Variants in ZNF83 observed in about 807,000 individuals in gnomAD.
The protein encoded by ZNF83 is zinc finger protein 83.
For missense variants in ZNF83, 552 were observed against 629.9 expected (o/e 0.88, Z 1.32); for synonymous variants, 209 against 213.0 (o/e 0.98, Z 0.17).
chr19:52,679,567 C>T (rs1484197222), intron 1 of ZNF83, among the ~76,000 whole-genome samples: 1 of 152,160 alleles, frequency 6.6e-6, no homozygotes, highest in African/African-American at 2.4e-5. Context: ...GCACAGATTG[C>T]ACCACTGCAC....
chr19:52,630,049 A>C (rs374999230), intron 2 of ZNF83, among the ~76,000 whole-genome samples: 2,521 of 152,162 alleles, frequency 0.017, 43 homozygotes, highest in Middle Eastern at 0.054. Context: ...GCTTGCTACA[A>C]GTGCCAGAAA....
At chr19:52,676,047 C>T (rs1310029934) in intron 1 of ZNF83, among the ~76,000 whole-genome samples, 17 of 152,142 alleles carry the variant, frequency 1.1e-4, no homozygotes, top group Non-Finnish European at 4.4e-5. Context: ...CTCTCGCTCT[C>T]CCTCTCCCTC....
intron 2 of ZNF83, among the ~76,000 whole-genome samples, chr19:52,658,578 A>C (rs367786432): frequency 4.6e-5 from 7 of 152,210 alleles, no homozygotes; most frequent in East Asian, 1.9e-4. Flanking sequence ...TAGGGGCAGA[A>C]ATATTAAAGA....
intron 2 of ZNF83, among the ~76,000 whole-genome samples, chr19:52,629,516 C>A (rs1251223847): frequency 2.0e-5 from 3 of 152,154 alleles, no homozygotes; most frequent in African/African-American, 4.8e-5. Flanking sequence ...ACCCTGTAAT[C>A]TTTTTATCAC....
At chr19:52,666,879 T>A (rs1480463437) in intron 1 of ZNF83, among the ~76,000 whole-genome samples, 1 of 152,160 alleles carries the variant, frequency 6.6e-6, no homozygotes. Flanking sequence ...TAATGGGTAT[T>A]CAATAAGTGA....
intron 1 of ZNF83, among the ~76,000 whole-genome samples, chr19:52,678,735 A>T (rs904165026): frequency 2.0e-5 from 3 of 152,074 alleles, no homozygotes; most frequent in Admixed American, 2.0e-4. Context: ...GTACTTTGGG[A>T]GACCAAGGTG....
In ZNF83 at chr19:52,664,262, G is replaced by A. The variant is rs192288684; in HGVS notation, c.-282-3419C>T. Among the ~76,000 whole-genome samples the A allele has an allele frequency of 7.3e-5, 11 of 151,502 alleles. No individual in the cohort carries two copies. The South Asian group carries it at 8.4e-4, about 12-fold the overall frequency. ...TGTAATCCCAAGACTTTGGGAGGCC[G>A]ATGCGGCTGGATCCCTTAAGCCCTA... On this transcript the variant is annotated intron_variant, in intron 1 of 5. Coordinates refer to the ZNF83 transcript ENST00000594682.
chr19:52,639,037 A>G (rs184308002), upstream of ZNF83, among the ~76,000 whole-genome samples: 94 of 152,222 alleles, frequency 6.2e-4, no homozygotes, highest in African/African-American at 2.2e-3. Flanking sequence ...GGGATCCAAC[A>G]TTATTCTTTT....
chr19:52,633,483 A>C (rs1600198902), intron 2 of ZNF83, among the ~76,000 whole-genome samples: 1 of 53,622 alleles, frequency 1.9e-5, no homozygotes, highest in Non-Finnish European at 4.1e-5. Context: ...TTGCTCTGAT[A>C]ACCTGGCACA....
At chr19:52,654,672 ACAT>A in intron 3 of ZNF83, among the ~76,000 whole-genome samples, 1 of 152,294 alleles carries the variant, frequency 6.6e-6, no homozygotes, top group Non-Finnish European at 1.5e-5. Flanking sequence ...AACAGAGATC[ACAT>A]CATTGCACTC....
At position 52,621,275 on chromosome 19, in the gene ZNF83, A is replaced by G. The variant is rs77468127; in HGVS notation, c.-233-6478T>C. Among the ~76,000 whole-genome samples, 1,041 of 152,268 alleles carry G rather than the reference A, an allele frequency of 6.8e-3. 16 individuals are homozygous for G. The highest frequency in any genetic ancestry group is 0.024 in the African/African-American group (993 of 41,560). ...AGTGGTCTTTTTACTGTCTTCTCCA[A>G]CTTTGTCACTATCCCTCATCATCTT... On this transcript the variant is annotated intron_variant, in intron 2 of 2. Coordinates refer to ENST00000301096, the Ensembl canonical transcript of ZNF83.
chr19:52,615,635 G>C (rs1012227713), intron 2 of ZNF83, among the ~76,000 whole-genome samples: 14 of 152,232 alleles, frequency 9.2e-5, no homozygotes, highest in Middle Eastern at 6.8e-3. Flanking sequence ...GGGTAAAATA[G>C]AAAGAAGGCA....
intron 2 of ZNF83, among the ~76,000 whole-genome samples, chr19:52,660,008 T>C (rs759323272): frequency 8.5e-5 from 13 of 152,078 alleles, no homozygotes; most frequent in South Asian, 2.1e-4. Context: ...CTGGCCAACA[T>C]AGTGAAACCC....
chr19:52,678,474 A>C (rs1460298614), intron 1 of ZNF83, among the ~76,000 whole-genome samples: 1 of 151,476 alleles, frequency 6.6e-6, no homozygotes, highest in Non-Finnish European at 1.5e-5. Context: ...AGAAAAAAGA[A>C]AAAAAAACTG....
chr19:52,654,101 G>T (rs542591214), intron 3 of ZNF83: 202 of 1,604,548 alleles, frequency 1.3e-4, no homozygotes, highest in Non-Finnish European at 2.1e-5. Flanking sequence ...TGCAGTTCAG[G>T]CAGATGTGAA....
At chr19:52,613,535 G>A (rs1221971280) in exon 3 of ZNF83, 2 of 1,614,020 alleles carry the variant, frequency 1.2e-6, no homozygotes, top group African/African-American at 2.7e-5. Context: ...CATTTGTAAG[G>A]TTTCTCTCCA....
At chr19:52,684,595 A>T (rs2061983079) in intron 1 of ZNF83, among the ~76,000 whole-genome samples, 1 of 149,450 alleles carries the variant, frequency 6.7e-6, no homozygotes, top group African/African-American at 2.5e-5. Flanking sequence ...TTCTGATATG[A>T]TTGATGCAGA....
intron 1 of ZNF83, among the ~76,000 whole-genome samples, chr19:52,670,238 C>T (rs1259904975): frequency 2.0e-5 from 3 of 152,206 alleles, no homozygotes; most frequent in South Asian, 2.1e-4. Flanking sequence ...CTGCTCCACC[C>T]TGACTCATTC....
chr19:52,669,228 A>G (rs537514182), intron 1 of ZNF83, among the ~76,000 whole-genome samples: 1 of 152,336 alleles, frequency 6.6e-6, no homozygotes, highest in African/African-American at 2.4e-5. Context: ...ATAAGACACC[A>G]TAAAGCAAAA....
Sources: allele counts gnomAD v4.1 joint callset (sites outside exome capture counted in the v4.1 genomes callset), GRCh38; gene constraint gnomAD v4.1.1; transcripts MANE v1.5; gene names NCBI Gene and HGNC (gene_info 2026-07-23, HGNC 2026-07-21).